The following DNMT3A variants were observed in gnomAD, a reference collection of about 807,000 sequenced individuals.
DNMT3A encodes the protein DNA methyltransferase 3 alpha, also known as DNA (cytosine-5)-methyltransferase 3A.
In DNMT3A, 267 loss-of-function variants were observed where a neutral mutation model predicts 117.6. The ratio of observed to expected loss-of-function variants is 2.27; its 90% CI spans 2.05 to 2.51. DNMT3A has a LOEUF of 2.51. Among genes scored for constraint, DNMT3A ranks in the 30% most tolerant of loss-of-function variants. DNMT3A has a pLI of 0.00. For missense variants in DNMT3A, 1,029 were observed against 1,260.2 expected (o/e 0.82, Z 2.78); for synonymous variants, 432 against 474.8 (o/e 0.91, Z 1.17).
chr2:25,243,913 CAA>C lies in DNMT3A; in HGVS notation c.1919_1920del (p.Phe640Ter), dbSNP rs1412485785. On this transcript the variant is annotated frameshift_variant, in exon 16 of 23. Coordinates refer to ENST00000321117, the MANE Select transcript of DNMT3A (RefSeq NM_022552.5). LOFTEE classifies it high-confidence loss of function. ...KRKPIRVLSL[F>X]DGIATGLLVL... ...CACCCCTCACCTGTAGCGATTCCAT[CAA>C]AGAGAGACAGCACCCGGATGGGCTT... 1.9e-6 allele frequency: 3 copies of C among 1,552,006 alleles called. No individual in the cohort carries two copies. The highest frequency in any genetic ancestry group is 2.6e-6 in the Non-Finnish European group (3 of 1,147,066).
chr2:25,313,813 T>G, intron 2 of DNMT3A, 100 bp downstream of exon 2: 1 of 1,496,358 alleles, frequency 6.7e-7, no homozygotes, highest in Non-Finnish European at 9.1e-7. Flanking sequence ...CACTGAGTGA[T>G]GCGGTCATGC....
intron 3 of DNMT3A, among the ~76,000 whole-genome samples, chr2:25,292,859 A>G (rs1318528318): frequency 1.3e-5 from 2 of 152,198 alleles, no homozygotes; most frequent in Non-Finnish European, 2.9e-5. Context: ...CGTACCTGCA[A>G]CAGGAGGAAC....
At chr2:25,290,366 G>A (rs564172847) in intron 3 of DNMT3A, among the ~76,000 whole-genome samples, 1 of 148,236 alleles carries the variant, frequency 6.7e-6, no homozygotes, top group East Asian at 2.0e-4. Flanking sequence ...TGTTCTCCAG[G>A]CTGGAGTGCA....
rs1280391434 is a variant in DNMT3A at position 25,282,673 on chromosome 2, G to A, written c.216C>T (p.Ile72=). 1 of 1,580,376 alleles carries A rather than the reference G, an allele frequency of 6.3e-7. No homozygotes were observed. The highest frequency in any genetic ancestry group is 8.6e-7 in the Non-Finnish European group (1 of 1,163,730). Residue 72 remains isoleucine (I), a synonymous_variant, in exon 4 of 23, where the codon ATC becomes ATT. Transcript: ENST00000321117. This position sits in a 1 kb window ranked among gnomAD's most constrained non-coding sequence, Gnocchi z 5.2. ...SGDTPKDPAV[I]SKSPSMAQDS... is the part of the protein sequence containing the mutation. Reference sequence around the variant, plus strand: ...CCTGGGCCATGGATGGGGACTTGGAGATCACCGCAGGGTCCTTTGGCGTGT... The same window carrying A: ...CCTGGGCCATGGATGGGGACTTGGAAATCACCGCAGGGTCCTTTGGCGTGT...
In DNMT3A at chr2:25,337,859, T is replaced by C. The variant is rs748218993; in HGVS notation, c.-178+3967A>G. Among the ~76,000 whole-genome samples, 1 of 152,212 alleles carries C rather than the reference T, an allele frequency of 6.6e-6. No homozygotes were observed. The highest frequency in any genetic ancestry group is 1.5e-5 in the Non-Finnish European group (1 of 68,032). ...GGGATCTGGCACCTTTAGTAGACCA[T>C]TAAAGCCCTGCTCAGGAACAGCAAA... On this transcript the variant is annotated intron_variant, in intron 1 of 22. Transcript: ENST00000321117. The surrounding 1 kb of genome is among the most constrained non-coding windows in gnomAD (Gnocchi z 5.0).
chr2:25,313,950 G>T lies in DNMT3A; in HGVS notation c.35C>A (p.Thr12Asn). The T allele has an allele frequency of 6.4e-7, 1 of 1,550,392 alleles. No homozygotes were observed. Reference sequence around the variant, plus strand: ...CTCCCGCTCCGCAGCAGAGCTGCTGGTGTCCCCGGGGCCGCTGGAGGGCAT... The same window carrying T: ...CTCCCGCTCCGCAGCAGAGCTGCTGTTGTCCCCGGGGCCGCTGGAGGGCAT... ...PAMPSSGPGD[T>N]SSSAAEREED... The change falls in exon 2 of 23, where the codon ACC (threonine) becomes AAC (asparagine). Residue 12 changes from threonine (T) to asparagine (N), a missense_variant. Thr to Asn is a moderately conservative substitution (Grantham distance 65, BLOSUM62 0). Transcript: ENST00000321117.
chr2:25,284,645 TAAAAAAAA>T (rs56901099), intron 3 of DNMT3A, among the ~76,000 whole-genome samples: 18 of 16,644 alleles, frequency 1.1e-3, no homozygotes, highest in Non-Finnish European at 1.4e-3. Context: ...AGACTCCATC[TAAAAAAAA>T]AAAAAAAAAA....
rs2031339169 is a variant in DNMT3A, at chr2:25,275,581, T to C, written c.449-38A>G. On this transcript the variant is annotated intron_variant, in intron 4 of 22. Coordinates refer to ENST00000321117, the MANE Select transcript of DNMT3A (RefSeq NM_022552.5). ...AAGAACAAAGGGACCAGTTCGTTGGTCGGCAGAATTACTGGAGTGGCTCAC... is the reference window on the plus strand; with the variant it reads ...AAGAACAAAGGGACCAGTTCGTTGGCCGGCAGAATTACTGGAGTGGCTCAC... 5 of 1,548,832 alleles carry C rather than the reference T, an allele frequency of 3.2e-6. No homozygotes were observed. The East Asian group carries it at 1.2e-4, about 38-fold the overall frequency.
In DNMT3A at chr2:25,247,502, C is replaced by T; in HGVS notation, c.1014+89G>A. 6.4e-7 allele frequency: 1 copy of T among 1,554,034 alleles called. No homozygotes were observed. Among genetic ancestry groups the T allele is most frequent in the Non-Finnish European group, 8.7e-7 (1 of 1,146,898 alleles). On this transcript the variant is annotated intron_variant, in intron 8 of 22. Transcript: ENST00000321117. The surrounding 1 kb of genome is among the most constrained non-coding windows in gnomAD (Gnocchi z 5.6). ...TGAGCAGAACCCACTTCCATCACCC[C>T]AATTCCAGACTGCCCCCAGCCAAAA...
chr2:25,341,663 C>T (rs1468504461), intron 1 of DNMT3A, among the ~76,000 whole-genome samples, 163 bp downstream of exon 1: 1 of 146,576 alleles, frequency 6.8e-6, no homozygotes, highest in Non-Finnish European at 1.5e-5. Context: ...CCCGCCGTCC[C>T]CGCCTGCAGT....
intron 6 of DNMT3A, among the ~76,000 whole-genome samples, chr2:25,256,542 G>T (rs187891998): frequency 8.5e-5 from 13 of 152,284 alleles, no homozygotes; most frequent in Non-Finnish European, 1.5e-4. Flanking sequence ...AGTCACACTG[G>T]CTACATTCCA....
In DNMT3A at chr2:25,241,561, C is replaced by CA; in HGVS notation, c.2082dup (p.Ile695TyrfsTer18). Reference sequence around the variant, plus strand: ...GGCTGCGCCCCACAGCATGGACATACATGCTTCTGTGTGACGCTGCGGACG... The same window carrying CA: ...GGCTGCGCCCCACAGCATGGACATACAATGCTTCTGTGTGACGCTGCGGACG... On this transcript the variant is annotated frameshift_variant and splice_region_variant. Transcript: ENST00000321117. LOFTEE classifies it high-confidence loss of function. The CA allele has an allele frequency of 6.2e-7, 1 of 1,612,800 alleles. No individual in the cohort carries two copies. Among genetic ancestry groups the CA allele is most frequent in the Non-Finnish European group, 8.5e-7 (1 of 1,179,558 alleles).
intron 4 of DNMT3A, among the ~76,000 whole-genome samples, chr2:25,276,940 A>G (rs751092688): frequency 1.3e-5 from 2 of 152,188 alleles, no homozygotes; most frequent in Non-Finnish European, 2.9e-5. Flanking sequence ...CCCTCGTGAC[A>G]GGGGGGTCCT....
Position 25,286,661 on chromosome 2 carries a change from C to T in DNMT3A, c.178-3950G>A, listed in dbSNP as rs545674341. Among the ~76,000 whole-genome samples, 11 of 152,218 alleles carry T rather than the reference C, an allele frequency of 7.2e-5. No homozygotes were observed. Among genetic ancestry groups the T allele is most frequent in the Non-Finnish European group, 1.2e-4 (8 of 68,026 alleles). On this transcript the variant is annotated intron_variant, in intron 3 of 22. Transcript: ENST00000321117. This position sits in a 1 kb window ranked among gnomAD's most constrained non-coding sequence, Gnocchi z 4.3. ...GGGGCTCTCTGGGGCTCAGGGTGAC[C>T]AGCAGGACAAAACCATCCAGAGGAA...
intron 1 of DNMT3A, among the ~76,000 whole-genome samples, chr2:25,321,207 C>T (rs772336068): frequency 1.5e-4 from 23 of 152,020 alleles, no homozygotes; most frequent in Non-Finnish European, 3.2e-4. Flanking sequence ...CTAGGCTAAA[C>T]TCAAGATGTT....
chr2:25,299,700 G>A (rs190491090), intron 3 of DNMT3A, among the ~76,000 whole-genome samples: 329 of 152,344 alleles, frequency 2.2e-3, no homozygotes, highest in African/African-American at 6.5e-3. Context: ...GGAGGCTGAA[G>A]TGGGCGGATC....
chr2:25,333,103 A>C (rs2035075170), intron 1 of DNMT3A, among the ~76,000 whole-genome samples: 1 of 152,230 alleles, frequency 6.6e-6, no homozygotes, highest in Non-Finnish European at 1.5e-5. Context: ...AGGTGCAGAA[A>C]GGCTAAGAGA....
chr2:25,240,989 T>C (rs1673959964), intron 17 of DNMT3A, among the ~76,000 whole-genome samples: 1 of 152,130 alleles, frequency 6.6e-6, no homozygotes, highest in African/African-American at 2.4e-5. Flanking sequence ...ACTGGGAAGG[T>C]GACCCAAGTG....
chr2:25,313,297 C>T (rs2149427694), intron 2 of DNMT3A, among the ~76,000 whole-genome samples: 1 of 151,626 alleles, frequency 6.6e-6, no homozygotes. Flanking sequence ...ATGGAGGTCA[C>T]CAGCTCCGTG....
Sources: gnomAD v4.1 joint callset for allele counts (sites outside exome capture counted in the v4.1 genomes callset) on GRCh38, gnomAD v4.1.1 for gene constraint, Gnocchi (gnomAD v3.1) non-coding constraint, MANE v1.5 for transcripts, NCBI Gene and HGNC (gene_info 2026-07-23, HGNC 2026-07-21) for gene names.